The following BTK variants were observed in gnomAD, a reference collection of about 807,000 sequenced individuals.
The protein encoded by BTK is Bruton tyrosine kinase, also known as tyrosine-protein kinase BTK.
In BTK, 5 loss-of-function variants were observed where a neutral mutation model predicts 57.4. The ratio of observed to expected loss-of-function variants is 0.09; its 90% CI spans 0.05 to 0.18. The LOEUF is 0.18. Ranked by LOEUF, BTK falls within the 10% of genes least tolerant of loss-of-function variation. The probability of loss-of-function intolerance (pLI) is 1.00; values close to 1 mark genes in which losing one functional copy is unlikely to be tolerated. For synonymous variants in BTK, 154 were observed against 174.3 expected, an observed-to-expected ratio of 0.88 and a Z score of 0.92; for missense variants, 194 against 501.2, an observed-to-expected ratio of 0.39 and a Z score of 5.85.
At position 101,358,359 on chromosome X, in the gene BTK, A is replaced by G. The variant is rs150176740; in HGVS notation, c.1053T>C (p.Leu351=). ...QSQYYLAEKH[L]FSTIPELINY... is the part of the protein sequence containing the mutation. ...TAATGAGCTCAGGGATGGTGCTGAA[A>G]AGGTGCTTCTCAGCCAGGTAATACT... Residue 351 remains leucine, a synonymous_variant, in exon 12 of 19, where the codon CTT becomes CTC. Coordinates refer to ENST00000308731, the MANE Select transcript of BTK (RefSeq NM_000061.3). 12 of 1,212,082 alleles carry G rather than the reference A, an allele frequency of 9.9e-6. No homozygotes were observed. The highest frequency in any genetic ancestry group is 1.2e-5 in the Non-Finnish European group (11 of 895,596).
At chrX:101,388,059 G>C (rs1038786534), upstream of BTK, among the ~76,000 whole-genome samples, 3 of 110,528 alleles carry the variant, frequency 2.7e-5, no homozygotes, top group East Asian at 8.6e-4. Context: ...GTAGAGACGG[G>C]GTTTCACCAT....
intron 15 of BTK, 88 bp downstream of exon 15, chrX:101,355,964 G>GC (rs1431925845): frequency 6.3e-6 from 6 of 949,139 alleles, no homozygotes; most frequent in African/African-American, 1.9e-5. Context: ...GGCACCAGCA[G>GC]CCCCCCTCAA....
At chrX:101,360,215 T>A in intron 8 of BTK, 65 bp from the exon 9 acceptor site, 1 of 808,848 alleles carries the variant, frequency 1.2e-6, no homozygotes, top group African/African-American at 2.0e-5. Flanking sequence ...CAGATTCATA[T>A]GCCCACGTCC....
In BTK at chrX:101,361,213, CA is replaced by C. The variant is rs376900161; in HGVS notation, c.589-459del. On this transcript the variant is annotated intron_variant, in intron 7 of 18. Transcript: ENST00000308731. The stretch of plus-strand genomic sequence containing the variant: ...CCTGGGTGACAGAGTGAGACTGTCT[CA>C]AAAAAAAACCCACAAAAAACAAAAA... 1.2e-3 allele frequency among the ~76,000 whole-genome samples: 131 copies of C among 107,607 alleles called. 2 individuals carry two copies. In the East Asian group the frequency reaches 0.035, roughly 29 times the overall value. 93.4% of individuals were successfully genotyped at this position (107,607 alleles called of 115,157 possible). A position where few individuals can be genotyped will look rare whatever the true frequency, so the allele number is the denominator to read the frequency against.
intron 6 of BTK, 92 bp from the exon 7 acceptor site, chrX:101,362,332 G>T: frequency 9.4e-7 from 1 of 1,059,567 alleles, no homozygotes; most frequent in Non-Finnish European, 1.3e-6. Flanking sequence ...TCCATATTGA[G>T]TGCCTTTAGG....
At chrX:101,386,282 A>T (rs1927606749), upstream of BTK, 2 of 110,982 alleles carry the variant, frequency 1.8e-5, no homozygotes, top group South Asian at 7.6e-4. Flanking sequence ...GCAGCATGCT[A>T]TCTGGTTCCC....
intron 5 of BTK, among the ~76,000 whole-genome samples, chrX:101,365,766 T>G (rs2147439225): frequency 8.9e-6 from 1 of 112,540 alleles, no homozygotes; most frequent in South Asian, 3.7e-4. Flanking sequence ...ATTTGCCTAC[T>G]TTTGAATTTG....
At chrX:101,377,761 C>G (rs1171617229) in intron 1 of BTK, 1 of 111,743 alleles carries the variant, frequency 8.9e-6, no homozygotes, top group Non-Finnish European at 1.9e-5. Flanking sequence ...AAGCAAGTCT[C>G]TCACTAGCCA....
chrX:101,361,512 CAA>C (rs374694373), intron 7 of BTK, among the ~76,000 whole-genome samples: 9 of 70,661 alleles, frequency 1.3e-4, no homozygotes, highest in Admixed American at 1.6e-4. Context: ...AAGAAGGAAC[CAA>C]AAAAAAAAAA....
At chrX:101,373,363 T>C (rs1456378795) in intron 3 of BTK, among the ~76,000 whole-genome samples, 1 of 112,023 alleles carries the variant, frequency 8.9e-6, no homozygotes, top group Non-Finnish European at 1.9e-5. Flanking sequence ...CAAGTACTTG[T>C]AGACAAACCG....
chrX:101,389,734 G>A (rs781963725), upstream of BTK, among the ~76,000 whole-genome samples: 1 of 111,334 alleles, frequency 9.0e-6, no homozygotes, highest in Non-Finnish European at 1.9e-5. Flanking sequence ...GTGGTTAAGT[G>A]CAAGGCTATA....
At chrX:101,376,558 C>T (rs918527893) in intron 1 of BTK, among the ~76,000 whole-genome samples, 5 of 111,158 alleles carry the variant, frequency 4.5e-5, no homozygotes, top group South Asian at 3.8e-4. Context: ...ACCCAGGAGG[C>T]GGAGGTTGCA....
intron 1 of BTK, among the ~76,000 whole-genome samples, chrX:101,385,513 G>A (rs1235216594): frequency 8.9e-6 from 1 of 112,253 alleles, no homozygotes; most frequent in African/African-American, 3.2e-5. Context: ...CTCTGACCCT[G>A]GCGACATTTG....
chrX:101,355,925 T>C (rs1555977776), intron 15 of BTK, 127 bp downstream of exon 15: 2 of 708,759 alleles, frequency 2.8e-6, no homozygotes, highest in Admixed American at 2.2e-5. Context: ...GCCTAACTTA[T>C]AGTACTTTCT....
intron 3 of BTK, among the ~76,000 whole-genome samples, chrX:101,372,061 A>C (rs1467585058): frequency 8.9e-6 from 1 of 112,135 alleles, no homozygotes; most frequent in Non-Finnish European, 1.9e-5. Flanking sequence ...ATAAAAAATA[A>C]AACTATGAAT....
At chrX:101,388,988 G>A (rs3027601), upstream of BTK, among the ~76,000 whole-genome samples, 18,917 of 111,045 alleles carry the variant, frequency 0.17, 2,972 homozygotes, top group African/African-American at 0.5. Context: ...CTCCCACCTC[G>A]GTGTCAGCAT....
chrX:101,384,537 C>T (rs782605568), intron 1 of BTK, among the ~76,000 whole-genome samples: 66 of 108,279 alleles, frequency 6.1e-4, no homozygotes, highest in Non-Finnish European at 1.1e-3. Flanking sequence ...GCGGAGGTTG[C>T]GGTGAGCTGA....
chrX:101,365,570 C>T (rs1211964709), intron 5 of BTK, among the ~76,000 whole-genome samples: 4 of 112,165 alleles, frequency 3.6e-5, no homozygotes, highest in African/African-American at 1.3e-4. Flanking sequence ...TGCACATTCC[C>T]CTATTGGGAA....
chrX:101,361,512 C>A (rs868987151), intron 7 of BTK, among the ~76,000 whole-genome samples: 479 of 69,081 alleles, frequency 6.9e-3, no homozygotes, highest in African/African-American at 7.7e-3. Flanking sequence ...AAGAAGGAAC[C>A]AAAAAAAAAA....
Sources: allele counts gnomAD v4.1 joint callset (sites outside exome capture counted in the v4.1 genomes callset), GRCh38; gene constraint gnomAD v4.1.1; transcripts MANE v1.5; gene names NCBI Gene and HGNC (gene_info 2026-07-23, HGNC 2026-07-21).